The following CNTNAP2 variants were observed in gnomAD, a reference collection of about 807,000 sequenced individuals.
The protein encoded by CNTNAP2 is contactin-associated protein-like 2.
CNTNAP2 carries 98 observed loss-of-function variants against 155.2 expected under a neutral mutation model. The observed-to-expected ratio is 0.63, with a 90% CI of 0.54 to 0.75. The LOEUF is 0.75. CNTNAP2 is among the 30% of genes least tolerant of loss of function. CNTNAP2 has a pLI of 0.00. For missense variants in CNTNAP2, 1,727 were observed against 1,688.1 expected (o/e 1.02, Z -0.40); for synonymous variants, 651 against 631.2 (o/e 1.03, Z -0.47).
intron 1 of CNTNAP2, among the ~76,000 whole-genome samples, chr7:146,367,644 A>C (rs1795174283): frequency 1.3e-5 from 2 of 152,116 alleles, no homozygotes; most frequent in Admixed American, 1.3e-4. Flanking sequence ...TTCATGTCTA[A>C]GTTATCTATT....
At chr7:146,726,753 C>T (rs1801437422) in intron 1 of CNTNAP2, among the ~76,000 whole-genome samples, 1 of 152,032 alleles carries the variant, frequency 6.6e-6, no homozygotes, top group South Asian at 2.1e-4. Context: ...TTGTGAATGA[C>T]CTCATTTTAC....
intron 10 of CNTNAP2, among the ~76,000 whole-genome samples, chr7:147,424,185 A>G (rs1349544774): frequency 6.6e-6 from 1 of 152,092 alleles, no homozygotes; most frequent in Non-Finnish European, 1.5e-5. Context: ...TCTTCAGCCA[A>G]TTACATTTCC....
Position 147,161,180 on chromosome 7 carries a change from G to A in CNTNAP2, c.1348+28671G>A, listed in dbSNP as rs542916073. ...TTGATGATAATATTAGAGATACAAA[G>A]TATAGAAAAAGAAATCTCTATGGGG... On this transcript the variant is annotated intron_variant, in intron 8 of 23. Coordinates refer to ENST00000361727, the MANE Select transcript of CNTNAP2 (RefSeq NM_014141.6). Among the ~76,000 whole-genome samples, 24 of 152,154 alleles carry A rather than the reference G, an allele frequency of 1.6e-4. No individual in the cohort carries two copies. The South Asian group carries it at 4.8e-3, about 30-fold the overall frequency.
chr7:147,922,829 G>A (rs1800308069), intron 14 of CNTNAP2, among the ~76,000 whole-genome samples: 1 of 152,122 alleles, frequency 6.6e-6, no homozygotes, highest in Non-Finnish European at 1.5e-5. Context: ...GTAAAGAGAG[G>A]ATGCAAAAAT....
intron 13 of CNTNAP2, among the ~76,000 whole-genome samples, chr7:147,647,657 T>C (rs1795388939): frequency 6.6e-6 from 1 of 152,156 alleles, no homozygotes; most frequent in Non-Finnish European, 1.5e-5. Context: ...GGCCATATCT[T>C]AGTATCTTCC....
At chr7:146,584,641 G>A (rs1001991642) in intron 1 of CNTNAP2, among the ~76,000 whole-genome samples, 3 of 152,052 alleles carry the variant, frequency 2.0e-5, no homozygotes, top group Non-Finnish European at 4.4e-5. Context: ...ATTTCCATAA[G>A]CTCTCTTGTT....
At chr7:146,752,467 G>T (rs1211441171) in intron 1 of CNTNAP2, among the ~76,000 whole-genome samples, 2 of 151,902 alleles carry the variant, frequency 1.3e-5, no homozygotes, top group Non-Finnish European at 2.9e-5. Flanking sequence ...ACTTGACGGG[G>T]TTGTTTTTTG....
At chr7:147,391,136 C>G (rs1482608636) in intron 9 of CNTNAP2, among the ~76,000 whole-genome samples, 1 of 152,116 alleles carries the variant, frequency 6.6e-6, no homozygotes, top group African/African-American at 2.4e-5. Context: ...ATCCTCACAC[C>G]ACATATACAA....
intron 1 of CNTNAP2, among the ~76,000 whole-genome samples, chr7:146,673,674 C>T (rs560035598): frequency 1.3e-5 from 2 of 152,286 alleles, no homozygotes; most frequent in South Asian, 2.1e-4. Context: ...GCCTCACTTC[C>T]GTTTTCTCTA....
At chr7:147,524,465 A>G (rs1402727002) in intron 11 of CNTNAP2, among the ~76,000 whole-genome samples, 1 of 152,216 alleles carries the variant, frequency 6.6e-6, no homozygotes. Flanking sequence ...ACAGAAGACT[A>G]AAATATAATT....
rs1563091779 is a variant in CNTNAP2 at position 147,794,747 on chromosome 7, TAAAAAC to T, written c.2099-108815_2099-108810del. On this transcript the variant is annotated intron_variant, in intron 13 of 23. Transcript: ENST00000361727. ...TTTTCTTTATGGGTAGTTTTTTTTT[TAAAAAC>T]AATTAATTCAATCTTATTTGTTAAA... is the stretch of plus-strand genomic sequence containing the variant. 2.9e-4 allele frequency among the ~76,000 whole-genome samples: 44 copies of T among 149,544 alleles called. No individual in the cohort carries two copies. In the East Asian group the frequency reaches 7.5e-3, roughly 25 times the overall value.
chr7:147,033,316 G>T (rs1799079958), intron 3 of CNTNAP2, among the ~76,000 whole-genome samples: 1 of 150,868 alleles, frequency 6.6e-6, no homozygotes, highest in Admixed American at 6.6e-5. Context: ...TTTGATTGGG[G>T]TGGGGGGTTA....
chr7:147,441,134 A>G (rs1023089894), intron 10 of CNTNAP2, among the ~76,000 whole-genome samples: 1 of 151,890 alleles, frequency 6.6e-6, no homozygotes, highest in Non-Finnish European at 1.5e-5. Context: ...TCTAGATTCT[A>G]TATGCATGCT....
At chr7:147,019,020 T>C (rs1272043863) in intron 3 of CNTNAP2, among the ~76,000 whole-genome samples, 1 of 152,108 alleles carries the variant, frequency 6.6e-6, no homozygotes, top group Non-Finnish European at 1.5e-5. Context: ...AAATTATCTC[T>C]GTGTAAGAAT....
At chr7:146,589,044 A>G (rs1438836519) in intron 1 of CNTNAP2, among the ~76,000 whole-genome samples, 1 of 152,192 alleles carries the variant, frequency 6.6e-6, no homozygotes. Context: ...GCATCCTTAG[A>G]TAGCCACAGA....
chr7:147,257,236 G>A (rs553008540), intron 8 of CNTNAP2, among the ~76,000 whole-genome samples: 1 of 152,270 alleles, frequency 6.6e-6, no homozygotes, highest in South Asian at 2.1e-4. Context: ...GTCTCTTGAG[G>A]TCCAGTGAAA....
intron 21 of CNTNAP2, among the ~76,000 whole-genome samples, chr7:148,333,380 A>T (rs1408801041): frequency 6.6e-6 from 1 of 152,096 alleles, no homozygotes; most frequent in African/African-American, 2.4e-5. Flanking sequence ...GTGAGCCGAG[A>T]TTGCGCGACT....
chr7:146,939,889 A>AT (rs3081738), intron 3 of CNTNAP2, among the ~76,000 whole-genome samples: 49,296 of 151,908 alleles, frequency 0.32, 8,496 homozygotes, highest in Middle Eastern at 0.37. Flanking sequence ...CACAAATGAG[A>AT]TTTTTTTTCA....
chr7:147,958,377 G>T (rs1261516279), intron 14 of CNTNAP2, among the ~76,000 whole-genome samples: 1 of 152,090 alleles, frequency 6.6e-6, no homozygotes, highest in South Asian at 2.1e-4. Flanking sequence ...TAAAGTTTGC[G>T]AGGGAACCAG....
Sources: gnomAD v4.1 joint callset for allele counts (sites outside exome capture counted in the v4.1 genomes callset) on GRCh38, gnomAD v4.1.1 for gene constraint, MANE v1.5 for transcripts, NCBI Gene and HGNC (gene_info 2026-07-23, HGNC 2026-07-21) for gene names.